The following ZNG1B variants were observed in gnomAD, a reference collection of about 807,000 sequenced individuals.
ZNG1B encodes the protein zinc-regulated GTPase metalloprotein activator 1B.
At chr2:113,447,168 G>A in the ZNG1B span, among the ~76,000 whole-genome samples, 9 of 122,084 alleles carry the variant, frequency 7.4e-5, no homozygotes, top group East Asian at 6.8e-4. Context: ...GATGTCACAG[G>A]CCTGTAGTCC....
chr2:113,455,452 T>C, the ZNG1B span: 14 of 471,988 alleles, frequency 3.0e-5, no homozygotes, highest in East Asian at 9.0e-4. Flanking sequence ...ACTTCTAAGG[T>C]CCTAGAATGC....
At chr2:113,466,867 A>G in the ZNG1B span, 1 of 938,880 alleles carries the variant, frequency 1.1e-6, no homozygotes. Flanking sequence ...GATGGAGACC[A>G]TCCTGGCTAA....
the ZNG1B span, among the ~76,000 whole-genome samples, chr2:113,446,840 T>G: frequency 2.0e-5 from 3 of 151,790 alleles, no homozygotes; most frequent in South Asian, 2.1e-4. Flanking sequence ...GTAGGTAAAT[T>G]TTATTCCAGG....
At chr2:113,460,974 A>G in the ZNG1B span, among the ~76,000 whole-genome samples, 1 of 149,756 alleles carries the variant, frequency 6.7e-6, no homozygotes, top group Non-Finnish European at 1.5e-5. Flanking sequence ...CTCGGGAAAT[A>G]TTAACATTTA....
At chr2:113,457,182 A>G in the ZNG1B span, 1 of 454,358 alleles carries the variant, frequency 2.2e-6, no homozygotes, top group Non-Finnish European at 4.4e-6. Context: ...AATAGAAGCA[A>G]TGAATGAAGT....
chr2:113,464,946 T>C, the ZNG1B span, among the ~76,000 whole-genome samples: 1 of 152,052 alleles, frequency 6.6e-6, no homozygotes, highest in African/African-American at 2.4e-5. Flanking sequence ...ATTTATTGTT[T>C]GAAGGAAAAT....
chr2:113,463,990 C>T, the ZNG1B span, among the ~76,000 whole-genome samples: 2 of 152,014 alleles, frequency 1.3e-5, no homozygotes, highest in Non-Finnish European at 2.9e-5. Flanking sequence ...ATTGTGATTG[C>T]TAAGAAGAAC....
the ZNG1B span, among the ~76,000 whole-genome samples, chr2:113,443,132 C>A: frequency 1.3e-5 from 2 of 151,946 alleles, no homozygotes; most frequent in African/African-American, 4.8e-5. Context: ...CCACACCTGG[C>A]TAATTTTTTG....
chr2:113,447,286 A>C, the ZNG1B span: 3 of 207,922 alleles, frequency 1.4e-5, no homozygotes, highest in Admixed American at 7.0e-5. Flanking sequence ...CATTTCTTAA[A>C]AAAAAAAAAA....
At chr2:113,477,176 T>C in the ZNG1B span, among the ~76,000 whole-genome samples, 1 of 152,292 alleles carries the variant, frequency 6.6e-6, no homozygotes, top group Non-Finnish European at 1.5e-5. Context: ...CGAGACTCCG[T>C]GGGCGTGGGA....
the ZNG1B span, among the ~76,000 whole-genome samples, chr2:113,477,558 T>G: frequency 1.3e-5 from 2 of 152,232 alleles, no homozygotes; most frequent in African/African-American, 4.8e-5. Flanking sequence ...CTCTTCACTT[T>G]AATAATGGAT....
At chr2:113,448,023 C>T in the ZNG1B span, among the ~76,000 whole-genome samples, 1 of 152,224 alleles carries the variant, frequency 6.6e-6, no homozygotes, top group African/African-American at 2.4e-5. Flanking sequence ...CACAAATGTT[C>T]TTAATGGCAT....
the ZNG1B span, among the ~76,000 whole-genome samples, chr2:113,439,443 T>G: frequency 6.6e-6 from 1 of 152,218 alleles, no homozygotes; most frequent in Non-Finnish European, 1.5e-5. Context: ...CCTGCTTCTG[T>G]GATCCCAACC....
the ZNG1B span, among the ~76,000 whole-genome samples, chr2:113,448,788 C>T: frequency 6.6e-6 from 1 of 151,672 alleles, no homozygotes; most frequent in Non-Finnish European, 1.5e-5. Context: ...CCTGTAATCC[C>T]AGTTACTTGG....
At chr2:113,485,387 T>C in the ZNG1B span, among the ~76,000 whole-genome samples, 1 of 140,642 alleles carries the variant, frequency 7.1e-6, no homozygotes, top group African/African-American at 2.8e-5. Context: ...TAAGCTAGAT[T>C]GGACTTTAGA....
the ZNG1B span, among the ~76,000 whole-genome samples, chr2:113,492,323 T>A: frequency 7.4e-6 from 1 of 134,240 alleles, no homozygotes; most frequent in South Asian, 2.5e-4. Context: ...TAAAAAGGAG[T>A]GAATTAATGG....
the ZNG1B span, among the ~76,000 whole-genome samples, chr2:113,461,027 T>TTA: frequency 0.22 from 31,468 of 144,188 alleles, 3,762 homozygotes; most frequent in East Asian, 0.5. Flanking sequence ...ATTGAAGATT[T>TTA]TATATATATA....
the ZNG1B span, among the ~76,000 whole-genome samples, chr2:113,473,301 G>A: frequency 6.7e-6 from 1 of 148,158 alleles, no homozygotes; most frequent in Non-Finnish European, 1.5e-5. Context: ...TGTTGTTGGT[G>A]TATAAGAATG....
At chr2:113,483,625 CAG>C in the ZNG1B span, among the ~76,000 whole-genome samples, 1 of 150,308 alleles carries the variant, frequency 6.7e-6, no homozygotes, top group Admixed American at 6.6e-5. Context: ...AAAGAATAAA[CAG>C]AATAGTAAAG....
Sources: allele counts gnomAD v4.1 joint callset (sites outside exome capture counted in the v4.1 genomes callset), GRCh38; gene constraint gnomAD v4.1.1; transcripts MANE v1.5; gene names NCBI Gene and HGNC (gene_info 2026-07-23, HGNC 2026-07-21).